Variants in PAK1 observed in about 807,000 individuals in gnomAD.
The protein encoded by PAK1 is p21 (RAC1) activated kinase 1, also known as serine/threonine-protein kinase PAK 1.
A neutral mutation model predicts 67.4 loss-of-function variants in PAK1; 29 were observed. That is an observed-to-expected ratio of 0.43 (90% CI 0.32 to 0.59). PAK1 has a LOEUF of 0.59. Ranked by LOEUF, PAK1 falls within the 20% of genes least tolerant of loss-of-function variation. The pLI is 0.07. For synonymous variants in PAK1, 223 were observed against 237.4 expected, an observed-to-expected ratio of 0.94 and a Z score of 0.56; for missense variants, 337 against 670.7, an observed-to-expected ratio of 0.50 and a Z score of 5.50.
At chr11:77,347,903 T>A (rs1159982856) in intron 9 of PAK1, among the ~76,000 whole-genome samples, 3 of 152,192 alleles carry the variant, frequency 2.0e-5, no homozygotes, top group Non-Finnish European at 4.4e-5. Context: ...AAATTCAGGC[T>A]CAGAGAGGTC....
In PAK1 at chr11:77,345,342, A is replaced by AC. The variant is rs565119836; in HGVS notation, c.886-1412_886-1411insG. On this transcript the variant is annotated intron_variant, in intron 9 of 14. Transcript: ENST00000356341. Reference sequence around the variant, plus strand: ...GTACTTTGTTTTTAAATAAAAACAAAAAAAAAATGGCAATGGGCTCCTCTA... The same window carrying AC: ...GTACTTTGTTTTTAAATAAAAACAAACAAAAAAATGGCAATGGGCTCCTCTA... 3.4e-3 allele frequency among the ~76,000 whole-genome samples: 520 copies of AC among 151,758 alleles called. 3 individuals carry two copies. Among genetic ancestry groups the AC allele is most frequent in the Admixed American group, 5.8e-3 (88 of 15,262 alleles).
rs187789991 is a variant in PAK1 at position 77,348,582 on chromosome 11, A to G, written c.885+657T>C. On this transcript the variant is annotated intron_variant, in intron 9 of 14. Transcript: ENST00000356341. ...AGATCAGATTTCTCCCCCAAGCCCC[A>G]AAGTTATGTAAGCAACTATCCACTT... 2.0e-5 allele frequency among the ~76,000 whole-genome samples: 3 copies of G among 152,308 alleles called. No individual in the cohort carries two copies. In the East Asian group the frequency reaches 5.8e-4, roughly 29 times the overall value.
intron 1 of PAK1, among the ~76,000 whole-genome samples, chr11:77,461,937 C>T (rs1957365136): frequency 6.6e-6 from 1 of 152,136 alleles, no homozygotes; most frequent in Non-Finnish European, 1.5e-5. Flanking sequence ...GGTCTCAGTC[C>T]AATGCCATTT....
intron 14 of PAK1, among the ~76,000 whole-genome samples, chr11:77,324,321 C>T (rs1165442405): frequency 4.0e-5 from 6 of 151,796 alleles, no homozygotes; most frequent in Admixed American, 1.3e-4. Flanking sequence ...TACAGGCGCC[C>T]GCCACCACAC....
At chr11:77,493,197 C>G in the PAK1 span, among the ~76,000 whole-genome samples, 1 of 151,650 alleles carries the variant, frequency 6.6e-6, no homozygotes, top group African/African-American at 2.4e-5. Context: ...CTCCTGGCCT[C>G]AAATGATCCT....
At chr11:77,467,704 TCTAC>T (rs1322749449) in intron 1 of PAK1, among the ~76,000 whole-genome samples, 1 of 152,242 alleles carries the variant, frequency 6.6e-6, no homozygotes, top group Non-Finnish European at 1.5e-5. Context: ...TACAAACTAC[TCTAC>T]CTAACATCTA....
intron 1 of PAK1, among the ~76,000 whole-genome samples, chr11:77,448,096 G>T (rs1956696424): frequency 6.6e-6 from 1 of 152,202 alleles, no homozygotes; most frequent in Non-Finnish European, 1.5e-5. Flanking sequence ...TTTGGAATCA[G>T]CAAGCTTGGG....
intron 4 of PAK1, 107 bp from the exon 5 acceptor site, chr11:77,374,472 T>C (rs767895855): frequency 1.2e-5 from 9 of 728,336 alleles, no homozygotes; most frequent in Non-Finnish European, 1.7e-5. Context: ...ATTCAGAGAA[T>C]AGTAATAGTA....
At chr11:77,340,819 G>C (rs1943486474) in intron 10 of PAK1, 56 bp from the exon 11 acceptor site, 1 of 951,006 alleles carries the variant, frequency 1.1e-6, no homozygotes, top group South Asian at 1.3e-5. Context: ...CTGAGCCATA[G>C]CACTGGGTTT....
At chr11:77,440,297 G>A (rs1956298270) in intron 1 of PAK1, among the ~76,000 whole-genome samples, 1 of 152,126 alleles carries the variant, frequency 6.6e-6, no homozygotes, top group South Asian at 2.1e-4. Context: ...CTACTGAGGA[G>A]GCGGAAGCAG....
intron 14 of PAK1, among the ~76,000 whole-genome samples, chr11:77,324,358 A>G (rs1939181221): frequency 6.6e-6 from 1 of 151,954 alleles, no homozygotes; most frequent in African/African-American, 2.4e-5. Context: ...TTTTTAGTAG[A>G]GACGGGGTTT....
At chr11:77,414,001 G>C (rs1954814589) in intron 1 of PAK1, among the ~76,000 whole-genome samples, 1 of 152,162 alleles carries the variant, frequency 6.6e-6, no homozygotes, top group Non-Finnish European at 1.5e-5. Context: ...AGGCTTTTCT[G>C]AAATACATGC....
At chr11:77,424,408 T>A (rs993355490) in intron 1 of PAK1, among the ~76,000 whole-genome samples, 1 of 152,250 alleles carries the variant, frequency 6.6e-6, no homozygotes, top group Admixed American at 6.5e-5. Context: ...TTTAGGGAAC[T>A]GCATATTTGC....
intron 1 of PAK1, among the ~76,000 whole-genome samples, chr11:77,426,873 G>T (rs1420731782): frequency 6.7e-6 from 1 of 148,256 alleles, no homozygotes; most frequent in African/African-American, 2.5e-5. Context: ...TCGGTGCTAT[G>T]ATTATGAAAC....
intron 1 of PAK1, among the ~76,000 whole-genome samples, chr11:77,429,047 A>C (rs1955713121): frequency 8.2e-6 from 1 of 122,614 alleles, no homozygotes; most frequent in African/African-American, 3.1e-5. Context: ...TCTAAATGCC[A>C]TTTAATACTA....
chr11:77,461,589 A>G (rs542938549), intron 1 of PAK1, among the ~76,000 whole-genome samples: 81 of 152,360 alleles, frequency 5.3e-4, no homozygotes, highest in Admixed American at 9.8e-4. Flanking sequence ...GGGAATGTGT[A>G]TAAGTCAAGA....
intron 1 of PAK1, among the ~76,000 whole-genome samples, chr11:77,395,273 A>G (rs1020359073): frequency 2.7e-4 from 41 of 152,144 alleles, no homozygotes; most frequent in African/African-American, 9.9e-4. Flanking sequence ...TGCTATTACA[A>G]TTGTTTATAG....
At chr11:77,357,445 G>A (rs961339301) in intron 6 of PAK1, among the ~76,000 whole-genome samples, 2 of 152,248 alleles carry the variant, frequency 1.3e-5, no homozygotes, top group African/African-American at 4.8e-5. Flanking sequence ...CTATATCCCA[G>A]GCACCTAAAC....
chr11:77,380,072 C>T (rs1305680860), intron 2 of PAK1, 78 bp from the exon 3 acceptor site: 1 of 1,039,608 alleles, frequency 9.6e-7, no homozygotes, highest in African/African-American at 1.6e-5. Context: ...CTTTATTGAG[C>T]TGTAGTCTCC....
Sources: allele counts gnomAD v4.1 joint callset (sites outside exome capture counted in the v4.1 genomes callset), GRCh38; gene constraint gnomAD v4.1.1; transcripts MANE v1.5; gene names NCBI Gene and HGNC (gene_info 2026-07-23, HGNC 2026-07-21).